The following ST6GAL2 variants were observed in gnomAD, a reference collection of about 807,000 sequenced individuals.
The protein encoded by ST6GAL2 is beta-galactoside alpha-2,6-sialyltransferase 2.
ST6GAL2 carries 24 observed loss-of-function variants against 37.5 expected under a neutral mutation model. The ratio of observed to expected loss-of-function variants is 0.64; its 90% CI spans 0.46 to 0.90. The LOEUF (loss-of-function observed/expected upper bound fraction) is 0.90, where lower values mean the gene tolerates loss of function less well. Among genes scored for constraint, ST6GAL2 ranks in the 40% least tolerant of loss-of-function variants. ST6GAL2 has a pLI of 0.00. For missense variants in ST6GAL2, 715 were observed against 712.7 expected, an observed-to-expected ratio of 1.00 and a Z score of -0.04; for synonymous variants, 306 against 295.1, an observed-to-expected ratio of 1.04 and a Z score of -0.38.
At chr2:106,884,779 G>A (rs996137389) in intron 1 of ST6GAL2, among the ~76,000 whole-genome samples, 6 of 151,420 alleles carry the variant, frequency 4.0e-5, no homozygotes, top group Non-Finnish European at 8.8e-5. Context: ...AATTCCTCAA[G>A]TGGTATATAA....
At chr2:106,828,131 T>C (rs1351586486) in intron 5 of ST6GAL2, among the ~76,000 whole-genome samples, 1 of 152,228 alleles carries the variant, frequency 6.6e-6, no homozygotes, top group African/African-American at 2.4e-5. Context: ...AAGTACTTTT[T>C]TTCAGTTATG....
chr2:106,826,379 C>A (rs1371913827), intron 5 of ST6GAL2, among the ~76,000 whole-genome samples: 2 of 151,864 alleles, frequency 1.3e-5, no homozygotes, highest in Admixed American at 6.6e-5. Flanking sequence ...ACAGAGTGGG[C>A]GGGAGGTGGT....
At chr2:106,836,569 TAA>T (rs918429998) in intron 2 of ST6GAL2, among the ~76,000 whole-genome samples, 21 of 151,844 alleles carry the variant, frequency 1.4e-4, no homozygotes, top group African/African-American at 5.1e-4. Context: ...TAGTTATACA[TAA>T]GTTATATATA....
chr2:106,818,164 A>G (rs1202325456), intron 5 of ST6GAL2, among the ~76,000 whole-genome samples: 2 of 152,202 alleles, frequency 1.3e-5, no homozygotes, highest in African/African-American at 2.4e-5. Flanking sequence ...GAAGGGAAGG[A>G]CACAAGCTGG....
At chr2:106,833,731 T>G (rs746219851) in intron 3 of ST6GAL2, among the ~76,000 whole-genome samples, 1 of 152,196 alleles carries the variant, frequency 6.6e-6, no homozygotes, top group Non-Finnish European at 1.5e-5. Context: ...TTGCCATTTC[T>G]TCTAAATTTA....
chr2:106,832,737 G>T, intron 3 of ST6GAL2, 71 bp from the exon 4 acceptor site: 2 of 1,017,204 alleles, frequency 2.0e-6, no homozygotes, highest in Non-Finnish European at 3.1e-6. Flanking sequence ...AAAAAGAGGT[G>T]AAAATTAAAA....
chr2:106,861,479 G>A (rs2104581703), intron 1 of ST6GAL2, among the ~76,000 whole-genome samples: 1 of 152,118 alleles, frequency 6.6e-6, no homozygotes, highest in South Asian at 2.1e-4. Flanking sequence ...CTAGATGGTG[G>A]GGATTAAAAA....
intron 5 of ST6GAL2, among the ~76,000 whole-genome samples, chr2:106,821,464 G>C (rs1002579804): frequency 3.3e-5 from 5 of 151,580 alleles, no homozygotes; most frequent in Admixed American, 1.3e-4. Context: ...TAGTAAGATT[G>C]AGTTATAAAG....
chr2:106,881,729 A>C (rs1381199399), intron 1 of ST6GAL2, among the ~76,000 whole-genome samples: 1 of 152,238 alleles, frequency 6.6e-6, no homozygotes. Flanking sequence ...AATTGTTTTA[A>C]ATTTAATAAA....
intron 5 of ST6GAL2, among the ~76,000 whole-genome samples, chr2:106,821,219 A>T (rs567708111): frequency 2.9e-4 from 44 of 151,884 alleles, no homozygotes; most frequent in African/African-American, 1.0e-3. Context: ...TTGAAAAGAT[A>T]AACAAAATTG....
intron 1 of ST6GAL2, among the ~76,000 whole-genome samples, chr2:106,883,614 A>G (rs1334527590): frequency 6.6e-6 from 1 of 152,200 alleles, no homozygotes; most frequent in East Asian, 1.9e-4. Flanking sequence ...TTCAATGCTT[A>G]GAAAATCAAA....
chr2:106,840,866 A>G (rs893613383), intron 2 of ST6GAL2, among the ~76,000 whole-genome samples: 1 of 152,100 alleles, frequency 6.6e-6, no homozygotes, highest in Non-Finnish European at 1.5e-5. Context: ...ACAAAACCAA[A>G]CCGGAAGCAA....
At chr2:106,866,649 C>T (rs1314502780) in intron 1 of ST6GAL2, among the ~76,000 whole-genome samples, 1 of 152,156 alleles carries the variant, frequency 6.6e-6, no homozygotes, top group Non-Finnish European at 1.5e-5. Context: ...GAAACACAAC[C>T]GACCAAGGCC....
intron 1 of ST6GAL2, among the ~76,000 whole-genome samples, chr2:106,851,994 A>G (rs774796394): frequency 2.0e-4 from 30 of 152,174 alleles, no homozygotes; most frequent in Non-Finnish European, 3.8e-4. Context: ...CTCAGCTGGA[A>G]TTCTTTTATC....
chr2:106,859,656 C>T (rs1210397973), intron 1 of ST6GAL2, among the ~76,000 whole-genome samples: 2 of 152,154 alleles, frequency 1.3e-5, no homozygotes, highest in Non-Finnish European at 2.9e-5. Context: ...AACTCCAAAA[C>T]ACATCTAGAC....
At chr2:106,883,744 A>C (rs916109951) in intron 1 of ST6GAL2, among the ~76,000 whole-genome samples, 2 of 136,892 alleles carry the variant, frequency 1.5e-5, no homozygotes, top group African/African-American at 4.9e-5. Flanking sequence ...CAGAAAATCC[A>C]GGAAAAGAAA....
intron 5 of ST6GAL2, 85 bp from the exon 6 acceptor site, chr2:106,807,034 G>A: frequency 8.8e-7 from 1 of 1,138,516 alleles, no homozygotes; most frequent in South Asian, 1.6e-5. Context: ...GGTGGTGATG[G>A]GATATGACTG....
intron 1 of ST6GAL2, among the ~76,000 whole-genome samples, chr2:106,847,601 G>A (rs1197190554): frequency 6.6e-6 from 1 of 152,088 alleles, no homozygotes; most frequent in African/African-American, 2.4e-5. Flanking sequence ...TAGCTCTGTG[G>A]TTCTGGGCAA....
At chr2:106,812,196 C>A (rs148275970) in intron 5 of ST6GAL2, among the ~76,000 whole-genome samples, 1 of 152,282 alleles carries the variant, frequency 6.6e-6, no homozygotes, top group African/African-American at 2.4e-5. Flanking sequence ...ATGTGTGGAA[C>A]CAGCAAGAAG....
Sources: allele counts gnomAD v4.1 joint callset (sites outside exome capture counted in the v4.1 genomes callset), GRCh38; gene constraint gnomAD v4.1.1; transcripts MANE v1.5; gene names NCBI Gene and HGNC (gene_info 2026-07-23, HGNC 2026-07-21).